Variants in FAM13A observed in about 807,000 individuals in gnomAD.
FAM13A encodes the protein family with sequence similarity 13 member A.
FAM13A carries 76 observed loss-of-function variants against 129.6 expected under a neutral mutation model. The observed-to-expected ratio is 0.59, with a 90% CI of 0.49 to 0.71. FAM13A has a LOEUF of 0.71. Ranked by LOEUF, FAM13A falls within the 30% of genes least tolerant of loss-of-function variation. The pLI, the probability that FAM13A is intolerant of heterozygous loss-of-function variation, is 0.00. For missense variants in FAM13A, 1,108 were observed against 1,249.3 expected (o/e 0.89, Z 1.70); for synonymous variants, 443 against 449.9 (o/e 0.98, Z 0.20).
At chr4:88,765,927 G>C (rs1745645994) in intron 13 of FAM13A, among the ~76,000 whole-genome samples, 1 of 152,200 alleles carries the variant, frequency 6.6e-6, no homozygotes, top group African/African-American at 2.4e-5. Context: ...AAGAGGACTT[G>C]GCACATGGAA....
chr4:88,982,988 G>A (rs1761823672), intron 4 of FAM13A, among the ~76,000 whole-genome samples: 1 of 152,132 alleles, frequency 6.6e-6, no homozygotes, highest in Non-Finnish European at 1.5e-5. Context: ...ATGGGGTAAG[G>A]AGACTAAACC....
chr4:88,913,266 TG>T (rs1029489446), intron 5 of FAM13A, among the ~76,000 whole-genome samples: 2 of 36,150 alleles, frequency 5.5e-5, no homozygotes, highest in African/African-American at 2.3e-4. Flanking sequence ...GAGGAAGAAG[TG>T]GAGGAGGAAG....
At chr4:88,906,539 A>C in intron 5 of FAM13A, 77 bp from the exon 6 acceptor site, 1 of 954,404 alleles carries the variant, frequency 1.0e-6, no homozygotes, top group Non-Finnish European at 1.6e-6. Context: ...GTAGTGAAAA[A>C]CAGTTTTGAA....
chr4:88,967,195 G>T (rs1759468706), intron 4 of FAM13A, among the ~76,000 whole-genome samples: 1 of 152,162 alleles, frequency 6.6e-6, no homozygotes, highest in Admixed American at 6.5e-5. Flanking sequence ...TTATTATAAT[G>T]ATTATTTATT....
At chr4:88,935,847 C>T (rs775694040) in intron 5 of FAM13A, among the ~76,000 whole-genome samples, 2 of 152,102 alleles carry the variant, frequency 1.3e-5, no homozygotes, top group African/African-American at 2.4e-5. Context: ...CATCCTTACT[C>T]GTTACGATTA....
chr4:88,900,481 G>A (rs1322797840), intron 6 of FAM13A, among the ~76,000 whole-genome samples: 1 of 151,892 alleles, frequency 6.6e-6, no homozygotes, highest in African/African-American at 2.4e-5. Flanking sequence ...GAAGAGATTA[G>A]GTACCAATAT....
intron 8 of FAM13A, among the ~76,000 whole-genome samples, chr4:88,797,588 C>T (rs1726474540): frequency 6.6e-6 from 1 of 152,118 alleles, no homozygotes; most frequent in South Asian, 2.1e-4. Flanking sequence ...TTATCTTTAT[C>T]CTGTTCCTTT....
chr4:88,993,040 C>T (rs1048220790), intron 3 of FAM13A, among the ~76,000 whole-genome samples: 1 of 152,174 alleles, frequency 6.6e-6, no homozygotes, highest in African/African-American at 2.4e-5. Flanking sequence ...AAATCAGACA[C>T]AGTGACATTG....
chr4:88,762,350 A>G (rs1486585051), intron 13 of FAM13A, among the ~76,000 whole-genome samples: 2 of 152,162 alleles, frequency 1.3e-5, no homozygotes, highest in African/African-American at 4.8e-5. Flanking sequence ...GTGGCACAGC[A>G]GTGGAGAGAT....
intron 5 of FAM13A, among the ~76,000 whole-genome samples, chr4:88,927,508 A>T (rs1310328358): frequency 2.0e-5 from 3 of 147,704 alleles, no homozygotes; most frequent in African/African-American, 7.5e-5. Flanking sequence ...TCTTGGTAGA[A>T]TTTTTTTTAA....
chr4:88,873,671 T>G (rs1372177363), intron 6 of FAM13A, among the ~76,000 whole-genome samples: 1 of 152,030 alleles, frequency 6.6e-6, no homozygotes, highest in Non-Finnish European at 1.5e-5. Flanking sequence ...CCAAAAAAAG[T>G]CCAGGACCAG....
chr4:88,853,122 C>T (rs544687748), intron 6 of FAM13A, among the ~76,000 whole-genome samples: 4 of 152,208 alleles, frequency 2.6e-5, no homozygotes, highest in South Asian at 2.1e-4. Flanking sequence ...GCAGAGCATT[C>T]TTAAGCTCAT....
In FAM13A at chr4:88,946,653, C is replaced by T. The variant is rs76582680; in HGVS notation, c.606-8412G>A. ...GATTCAGTTACAAAACATTAACAAACGGGCTACTTGGTTAAAACAGGTAAA... is the reference window on the plus strand; with the variant it reads ...GATTCAGTTACAAAACATTAACAAATGGGCTACTTGGTTAAAACAGGTAAA... On this transcript the variant is annotated intron_variant, in intron 4 of 23. Coordinates refer to ENST00000264344, the MANE Select transcript of FAM13A (RefSeq NM_014883.4). Among the ~76,000 whole-genome samples the T allele has an allele frequency of 1.9e-4, 29 of 152,054 alleles. No individual in the cohort carries two copies. In the East Asian group the frequency reaches 4.8e-3, roughly 25 times the overall value.
chr4:88,760,397 G>A lies in FAM13A; in HGVS notation c.1579-1496C>T, dbSNP rs1744556103. ...AGGCGGGCGGATCATGAGGTCAGGAGATCGAGACCATCCTGGCTAACGCGG... is the reference window on the plus strand; with the variant it reads ...AGGCGGGCGGATCATGAGGTCAGGAAATCGAGACCATCCTGGCTAACGCGG... On this transcript the variant is annotated intron_variant, in intron 13 of 23. Transcript: ENST00000264344. Among the ~76,000 whole-genome samples the A allele has an allele frequency of 6.8e-5, 2 of 29,534 alleles. 1 individual carries two copies. The highest frequency in any genetic ancestry group is 3.6e-4 in the Non-Finnish European group (2 of 5,498). The allele number at this position is 29,534 out of a possible 152,430, so 19.4% of individuals were successfully genotyped here.
chr4:88,777,382 T>C (rs944347198), intron 11 of FAM13A, among the ~76,000 whole-genome samples: 2 of 152,164 alleles, frequency 1.3e-5, no homozygotes, highest in African/African-American at 4.8e-5. Context: ...AAGCGGGTTA[T>C]TTCAGCTCTT....
intron 6 of FAM13A, among the ~76,000 whole-genome samples, chr4:88,872,936 T>C (rs1332955126): frequency 6.6e-6 from 1 of 152,152 alleles, no homozygotes; most frequent in African/African-American, 2.4e-5. Flanking sequence ...TATAACAAAC[T>C]GTCTCTCAAA....
chr4:88,984,702 T>C (rs1398430879), intron 4 of FAM13A, among the ~76,000 whole-genome samples: 1 of 152,206 alleles, frequency 6.6e-6, no homozygotes, highest in Non-Finnish European at 1.5e-5. Flanking sequence ...TTTCTCTTCA[T>C]ATATTTTTGT....
intron 5 of FAM13A, among the ~76,000 whole-genome samples, chr4:88,931,661 C>A (rs1036808860): frequency 5.9e-5 from 9 of 152,196 alleles, no homozygotes; most frequent in African/African-American, 2.2e-4. Context: ...TATGATCTGT[C>A]ATGCTATTTA....
At chr4:88,919,713 G>A (rs971930783) in intron 5 of FAM13A, among the ~76,000 whole-genome samples, 6 of 152,128 alleles carry the variant, frequency 3.9e-5, no homozygotes, top group Admixed American at 3.9e-4. Flanking sequence ...AGTGGGTGCA[G>A]CACACCATGC....
Sources: gnomAD v4.1 joint callset for allele counts (sites outside exome capture counted in the v4.1 genomes callset) on GRCh38, gnomAD v4.1.1 for gene constraint, MANE v1.5 for transcripts, NCBI Gene and HGNC (gene_info 2026-07-23, HGNC 2026-07-21) for gene names.